Variants in KDM6A observed in about 807,000 individuals in gnomAD.
The protein encoded by KDM6A is lysine demethylase 6A.
A neutral mutation model predicts 117.6 loss-of-function variants in KDM6A; 11 were observed. The ratio of observed to expected loss-of-function variants is 0.09; its 90% CI spans 0.06 to 0.15. The LOEUF (loss-of-function observed/expected upper bound fraction) is 0.15, where lower values mean the gene tolerates loss of function less well. Ranked by LOEUF, KDM6A falls within the 10% of genes least tolerant of loss-of-function variation. The pLI, the probability that KDM6A is intolerant of heterozygous loss-of-function variation, is 1.00. For missense variants in KDM6A, 799 were observed against 1,077.3 expected (o/e 0.74, Z 3.62); for synonymous variants, 384 against 396.1 (o/e 0.97, Z 0.36).
At chrX:44,992,203 CTTCTTTTTTTTTT>C (rs2040625366) in intron 4 of KDM6A, among the ~76,000 whole-genome samples, 1 of 56,688 alleles carries the variant, frequency 1.8e-5, no homozygotes, top group African/African-American at 5.9e-5. Context: ...ATACTGTCTT[CTTCTTTTTTTTTT>C]TTTTTTTTTT....
intron 2 of KDM6A, among the ~76,000 whole-genome samples, chrX:44,902,188 C>T (rs1024297231): frequency 9.0e-6 from 1 of 110,644 alleles, no homozygotes; most frequent in Non-Finnish European, 1.9e-5. Context: ...AAAATTGTGC[C>T]ACTGCACTCC....
chrX:44,961,260 A>T (rs754183977), intron 2 of KDM6A, 24 bp from the exon 3 acceptor site: 2 of 1,110,247 alleles, frequency 1.8e-6, no homozygotes, highest in Non-Finnish European at 2.5e-6. Context: ...TTTTGCTTAC[A>T]TATTTGTATT....
At chrX:44,988,921 C>G (rs1317743339) in intron 4 of KDM6A, among the ~76,000 whole-genome samples, 1 of 110,276 alleles carries the variant, frequency 9.1e-6, no homozygotes, top group African/African-American at 3.3e-5. Context: ...AGAACCACTG[C>G]TGTCTTCAAA....
chrX:45,048,857 T>G (rs2043703266), intron 8 of KDM6A, among the ~76,000 whole-genome samples: 1 of 105,872 alleles, frequency 9.4e-6, no homozygotes, highest in Non-Finnish European at 1.9e-5. Context: ...GCAAAACTTC[T>G]ACTCAACACT....
At chrX:44,971,402 T>C (rs1467408702) in intron 3 of KDM6A, among the ~76,000 whole-genome samples, 1 of 112,315 alleles carries the variant, frequency 8.9e-6, no homozygotes, top group Non-Finnish European at 1.9e-5. Context: ...ATGATGTTTT[T>C]GGGTAATGTT....
chrX:45,048,681 A>G (rs1043066045), intron 8 of KDM6A, among the ~76,000 whole-genome samples: 2 of 108,634 alleles, frequency 1.8e-5, no homozygotes, highest in Non-Finnish European at 3.8e-5. Context: ...AAAATCCAAG[A>G]AAAAGGGAGT....
intron 4 of KDM6A, among the ~76,000 whole-genome samples, chrX:44,979,368 C>G (rs1319186619): frequency 9.2e-6 from 1 of 108,979 alleles, no homozygotes; most frequent in East Asian, 2.9e-4. Context: ...CCCTCCCTCC[C>G]TCTTCCCTTC....
At chrX:45,032,670 C>T (rs753057075) in intron 6 of KDM6A, among the ~76,000 whole-genome samples, 14 of 111,532 alleles carry the variant, frequency 1.3e-4, no homozygotes, top group African/African-American at 2.9e-4. Context: ...AGGCTGGTCT[C>T]GAACTCCTAA....
At chrX:44,886,152 G>A (rs184368643) in intron 2 of KDM6A, among the ~76,000 whole-genome samples, 236 of 109,229 alleles carry the variant, frequency 2.2e-3, no homozygotes, top group Non-Finnish European at 3.8e-3. Context: ...TCATCTCCCG[G>A]GTTCAAGCGA....
chrX:45,011,155 A>G (rs2041738145), intron 5 of KDM6A, 136 bp downstream of exon 5: 6 of 473,803 alleles, frequency 1.3e-5, no homozygotes, highest in Non-Finnish European at 7.3e-6. Context: ...CTTTTCAGTA[A>G]TCTTTTGAAA....
In KDM6A at chrX:44,967,844, T is replaced by C. The variant is rs1002511866; in HGVS notation, c.334+6452T>C. 6.2e-5 allele frequency among the ~76,000 whole-genome samples: 7 copies of C among 112,583 alleles called. No individual in the cohort carries two copies. In the East Asian group the frequency reaches 1.1e-3, roughly 18 times the overall value. ...GAAGGAAAAAAGGCTTTGTAAAATATTTTCTTAGCTTTTCTGGCTGGTGAT... is the reference window on the plus strand; with the variant it reads ...GAAGGAAAAAAGGCTTTGTAAAATACTTTCTTAGCTTTTCTGGCTGGTGAT... On this transcript the variant is annotated intron_variant, in intron 3 of 29. Transcript: ENST00000611820.
chrX:44,884,831 A>G (rs1030336895), intron 2 of KDM6A, among the ~76,000 whole-genome samples: 9 of 111,581 alleles, frequency 8.1e-5, no homozygotes, highest in Admixed American at 4.8e-4. Flanking sequence ...CCTGTTCCCA[A>G]TTTACATACA....
At chrX:44,888,419 G>A (rs768286162) in intron 2 of KDM6A, among the ~76,000 whole-genome samples, 2 of 112,496 alleles carry the variant, frequency 1.8e-5, no homozygotes, top group South Asian at 7.3e-4. Flanking sequence ...CTAGGAATTA[G>A]GAATTTCCAA....
intron 24 of KDM6A, among the ~76,000 whole-genome samples, chrX:45,083,919 T>A (rs1014404030): frequency 2.0e-4 from 22 of 112,074 alleles, no homozygotes; most frequent in Non-Finnish European, 4.1e-4. Context: ...TGGGGTGCAG[T>A]GTTTTTGAAT....
chrX:45,089,992 T>C, intron 26 of KDM6A, 62 bp downstream of exon 26: 1 of 942,666 alleles, frequency 1.1e-6, no homozygotes, highest in Non-Finnish European at 1.5e-6. Flanking sequence ...AATAGGACTG[T>C]TCCTTTTTTC....
At chrX:44,975,144 G>A (rs1305124030) in intron 4 of KDM6A, among the ~76,000 whole-genome samples, 1 of 111,660 alleles carries the variant, frequency 9.0e-6, no homozygotes, top group Non-Finnish European at 1.9e-5. Flanking sequence ...TATAATTGGA[G>A]CTTTGAGGAG....
At chrX:45,073,456 C>T (rs2044960645) in intron 18 of KDM6A, among the ~76,000 whole-genome samples, 2 of 111,932 alleles carry the variant, frequency 1.8e-5, no homozygotes, top group Admixed American at 1.9e-4. Flanking sequence ...TCCACACTGT[C>T]TTCCACAATG....
chrX:45,060,624 C>T lies in KDM6A; in HGVS notation c.1345C>T (p.His449Tyr). 1 of 1,064,122 alleles carries T rather than the reference C, an allele frequency of 9.4e-7. No homozygotes were observed. Among genetic ancestry groups the T allele is most frequent in the Non-Finnish European group, 1.2e-6 (1 of 807,611 alleles). The allele number at this position is 1,064,122 out of a possible 1,213,427, so 87.7% of individuals were successfully genotyped here. ...NTAQQACKPH[H>Y]PNTEPVLGLS... The stretch of plus-strand genomic sequence containing the variant: ...TGATTCTTAGGCATGTAAACCTCAT[C>T]ATCCAAATACTGAACCTGTATTAGG... Residue 449 changes from histidine to tyrosine, a missense_variant, in exon 14 of 30, where the codon CAT becomes TAT. By Grantham distance (83) the His-to-Tyr change is moderately conservative. Around this residue, in one of 8 missense-constraint regions of KDM6A, gnomAD observed 301 missense variants for 318.3 expected, o/e 0.95. Coordinates refer to ENST00000611820, the MANE Select transcript of KDM6A (RefSeq NM_001291415.2).
intron 18 of KDM6A, among the ~76,000 whole-genome samples, chrX:45,075,191 A>G (rs958079384): frequency 1.8e-5 from 2 of 111,784 alleles, no homozygotes; most frequent in Non-Finnish European, 3.8e-5. Flanking sequence ...ACTATTATTT[A>G]TGTAGATATT....
Sources: allele counts gnomAD v4.1 joint callset (sites outside exome capture counted in the v4.1 genomes callset), GRCh38; gene constraint gnomAD v4.1.1; regional missense constraint gnomAD v4.1.1; transcripts MANE v1.5; gene names NCBI Gene and HGNC (gene_info 2026-07-23, HGNC 2026-07-21).